Variants in WDPCP observed in about 807,000 individuals in gnomAD.
The protein encoded by WDPCP is WD repeat-containing and planar cell polarity effector protein fritz homolog.
In WDPCP, 71 loss-of-function variants were observed where a neutral mutation model predicts 93.1. The observed-to-expected ratio is 0.76, with a 90% CI of 0.63 to 0.93. WDPCP has a LOEUF of 0.93. Ranked by LOEUF, WDPCP falls within the 40% of genes least tolerant of loss-of-function variation. The probability of loss-of-function intolerance (pLI) is 0.00; values close to 1 mark genes in which losing one functional copy is unlikely to be tolerated. For synonymous variants in WDPCP, 315 were observed against 315.0 expected (o/e 1.00, Z 0.00); for missense variants, 844 against 887.4 (o/e 0.95, Z 0.62).
chr2:63,571,323 C>T (rs1707483929), intron 1 of WDPCP: 1 of 448,132 alleles, frequency 2.2e-6, no homozygotes, highest in African/African-American at 2.0e-5. Context: ...AATTTTTAAA[C>T]TTAGTCATTT....
chr2:63,337,833 T>C (rs1274142129), intron 12 of WDPCP, among the ~76,000 whole-genome samples: 1 of 152,166 alleles, frequency 6.6e-6, no homozygotes, highest in African/African-American at 2.4e-5. Context: ...CTTTTGCCCA[T>C]TTAAAAAAAA....
At position 63,500,452 on chromosome 2, in the gene WDPCP, G is replaced by GGTGTGTGTGT. The variant is rs71393311; in HGVS notation, c.76-7513_76-7512insACACACACAC. Reference sequence around the variant, plus strand: ...AAGCCTTGAAAGAGAAAATGGTGTGGGGGTGTGTGTGTGTGTGTGTGTGTG... The same window carrying GGTGTGTGTGT: ...AAGCCTTGAAAGAGAAAATGGTGTGGGTGTGTGTGTGGGTGTGTGTGTGTGTGTGTGTGTG... On this transcript the variant is annotated intron_variant, in intron 1 of 17. Transcript: ENST00000272321. Among the ~76,000 whole-genome samples, 16 of 22,312 alleles carry GGTGTGTGTGT rather than the reference G, an allele frequency of 7.2e-4. No individual in the cohort carries two copies. In the East Asian group the frequency reaches 0.034, roughly 48 times the overall value. 14.6% of individuals were successfully genotyped at this position (22,312 alleles called of 152,430 possible). A position where few individuals can be genotyped will look rare whatever the true frequency, so the allele number is the denominator to read the frequency against.
intron 1 of WDPCP, among the ~76,000 whole-genome samples, chr2:63,557,043 G>A (rs1442542020): frequency 2.6e-5 from 4 of 152,244 alleles, no homozygotes; most frequent in South Asian, 2.1e-4. Context: ...AGGAAAGAAC[G>A]TTATCAACCA....
At chr2:63,465,678 T>C (rs972082230) in intron 6 of WDPCP, among the ~76,000 whole-genome samples, 1 of 152,202 alleles carries the variant, frequency 6.6e-6, no homozygotes, top group Non-Finnish European at 1.5e-5. Flanking sequence ...AACTACTTAC[T>C]AACAAGTTGT....
chr2:63,666,008 C>G (rs1353390686), intron 2 of WDPCP, among the ~76,000 whole-genome samples: 1 of 152,206 alleles, frequency 6.6e-6, no homozygotes, highest in African/African-American at 2.4e-5. Flanking sequence ...CAGACATCTG[C>G]ACAACATGTG....
intron 2 of WDPCP, among the ~76,000 whole-genome samples, chr2:63,775,998 A>G (rs919211088): frequency 1.3e-5 from 2 of 151,742 alleles, no homozygotes; most frequent in African/African-American, 4.8e-5. Flanking sequence ...CAAGAGTTTG[A>G]GGCTGCAGTG....
intron 12 of WDPCP, among the ~76,000 whole-genome samples, chr2:63,337,452 G>C (rs577126646): frequency 6.6e-6 from 1 of 152,042 alleles, no homozygotes; most frequent in African/African-American, 2.4e-5. Flanking sequence ...AAACATGGGC[G>C]GGCAAAAATC....
At chr2:63,801,298 TTTAGTGTCTCATGA>T (rs1249069238) in intron 2 of WDPCP, among the ~76,000 whole-genome samples, 3 of 152,180 alleles carry the variant, frequency 2.0e-5, no homozygotes, top group Non-Finnish European at 1.5e-5. Flanking sequence ...ATAGTGCTCC[TTTAGTGTCTCATGA>T]TGTGTCTGGA....
chr2:63,234,451 C>G (rs1679204357), intron 14 of WDPCP, among the ~76,000 whole-genome samples: 2 of 152,056 alleles, frequency 1.3e-5, no homozygotes, highest in African/African-American at 4.8e-5. Flanking sequence ...AAGATTTCAT[C>G]TCTTAAAAAA....
chr2:63,471,181 G>T (rs1699668183), intron 6 of WDPCP, among the ~76,000 whole-genome samples: 1 of 152,104 alleles, frequency 6.6e-6, no homozygotes, highest in Non-Finnish European at 1.5e-5. Flanking sequence ...GGTCACTTTT[G>T]TCCCTTTTGT....
intron 2 of WDPCP, among the ~76,000 whole-genome samples, chr2:63,756,975 G>A (rs1669977973): frequency 6.6e-6 from 1 of 152,148 alleles, no homozygotes; most frequent in African/African-American, 2.4e-5. Flanking sequence ...ATTGCAGGAG[G>A]TATGGGACCT....
At chr2:63,563,236 A>G (rs1272319214) in intron 1 of WDPCP, among the ~76,000 whole-genome samples, 1 of 152,124 alleles carries the variant, frequency 6.6e-6, no homozygotes, top group African/African-American at 2.4e-5. Context: ...CAGAACAGCA[A>G]GCAACACGAT....
At chr2:63,182,930 G>A (rs1183906582) in intron 14 of WDPCP, among the ~76,000 whole-genome samples, 2 of 151,760 alleles carry the variant, frequency 1.3e-5, no homozygotes, top group African/African-American at 4.8e-5. Flanking sequence ...GTTTGTGAGT[G>A]TAGAGGTGTT....
chr2:63,163,470 T>C (rs1253315447), intron 15 of WDPCP, among the ~76,000 whole-genome samples: 1 of 152,322 alleles, frequency 6.6e-6, no homozygotes. Flanking sequence ...TACAGTTTTA[T>C]GTAATATACA....
the WDPCP span, among the ~76,000 whole-genome samples, chr2:63,835,504 T>C: frequency 1.3e-5 from 2 of 151,688 alleles, no homozygotes; most frequent in Non-Finnish European, 2.9e-5. Context: ...TCTGTTTTGA[T>C]GGAGAGGGGT....
chr2:63,453,671 AT>A (rs1472501348), intron 6 of WDPCP, among the ~76,000 whole-genome samples: 1 of 152,188 alleles, frequency 6.6e-6, no homozygotes, highest in Non-Finnish European at 1.5e-5. Flanking sequence ...ATTATTCACA[AT>A]AGCAAAGACG....
chr2:63,749,492 C>G (rs1171134356), intron 2 of WDPCP, among the ~76,000 whole-genome samples: 1 of 152,036 alleles, frequency 6.6e-6, no homozygotes, highest in Admixed American at 6.6e-5. Context: ...TACAACCATT[C>G]TGTTTTTCAT....
intron 12 of WDPCP, among the ~76,000 whole-genome samples, chr2:63,354,424 T>G (rs984610704): frequency 1.3e-5 from 2 of 151,726 alleles, no homozygotes; most frequent in African/African-American, 2.4e-5. Context: ...ACCCCAGGAG[T>G]GCCAAGTCAT....
intron 1 of WDPCP, among the ~76,000 whole-genome samples, chr2:63,503,246 C>G (rs1044601204): frequency 6.6e-6 from 1 of 152,206 alleles, no homozygotes; most frequent in East Asian, 1.9e-4. Context: ...CTTCTTTCTA[C>G]TCATTACATG....
Sources: allele counts gnomAD v4.1 joint callset (sites outside exome capture counted in the v4.1 genomes callset), GRCh38; gene constraint gnomAD v4.1.1; transcripts MANE v1.5; gene names NCBI Gene and HGNC (gene_info 2026-07-23, HGNC 2026-07-21).